GLCCI1: variants seen among roughly 807,000 people sequenced by gnomAD.
GLCCI1 encodes the protein glucocorticoid induced 1.
GLCCI1 carries 24 observed loss-of-function variants against 52.2 expected under a neutral mutation model. That is an observed-to-expected ratio of 0.46 (90% CI 0.33 to 0.65). The LOEUF is 0.65. Ranked by LOEUF, GLCCI1 falls within the 30% of genes least tolerant of loss-of-function variation. The pLI is 0.02. For missense variants in GLCCI1, 704 were observed against 701.5 expected, an observed-to-expected ratio of 1.00 and a Z score of -0.04; for synonymous variants, 310 against 276.5, an observed-to-expected ratio of 1.12 and a Z score of -1.20.
At chr7:8,038,732 C>A (rs1781927995) in intron 3 of GLCCI1, among the ~76,000 whole-genome samples, 1 of 151,956 alleles carries the variant, frequency 6.6e-6, no homozygotes, top group Admixed American at 6.5e-5. Flanking sequence ...TGAGTAAGAT[C>A]TCAAAAGCAA....
intron 5 of GLCCI1, among the ~76,000 whole-genome samples, chr7:8,066,162 C>G (rs1335596572): frequency 2.0e-5 from 3 of 151,942 alleles, no homozygotes; most frequent in Admixed American, 6.6e-5. Flanking sequence ...CTGTTTTTTT[C>G]TGTATTTTCT....
intron 3 of GLCCI1, among the ~76,000 whole-genome samples, chr7:8,048,793 C>T (rs865825992): frequency 3.9e-5 from 6 of 152,250 alleles, no homozygotes; most frequent in South Asian, 2.1e-4. Context: ...TGTCAATTCT[C>T]CTGGACCCCA....
chr7:8,008,106 C>G (rs1436425214), intron 2 of GLCCI1, among the ~76,000 whole-genome samples: 2 of 123,316 alleles, frequency 1.6e-5, no homozygotes, highest in Non-Finnish European at 3.7e-5. Flanking sequence ...AAAATCTACT[C>G]TCTTAGCAAT....
rs60377934 is a variant in GLCCI1 at position 8,053,005 on chromosome 7, ATTATTTATTTAT to A, written c.697-2403_697-2392del. Among the ~76,000 whole-genome samples, 417 of 147,230 alleles carry A rather than the reference ATTATTTATTTAT, an allele frequency of 2.8e-3. 1 individual carries two copies. The highest frequency in any genetic ancestry group is 9.1e-3 in the African/African-American group (368 of 40,242). ...TTGAGGATAAGGGTTTTGGTTTTGT[ATTATTTATTTAT>A]TTATTTATTTATTTATTTATTTATG... On this transcript the variant is annotated intron_variant, in intron 3 of 7. Transcript: ENST00000223145.
intron 3 of GLCCI1, among the ~76,000 whole-genome samples, chr7:8,036,840 C>T (rs1324369694): frequency 1.3e-5 from 2 of 151,902 alleles, no homozygotes; most frequent in Admixed American, 6.6e-5. Flanking sequence ...CAAGTTAATC[C>T]AGCTAGAAAA....
At chr7:8,030,092 T>C (rs1781712446) in intron 3 of GLCCI1, among the ~76,000 whole-genome samples, 2 of 152,122 alleles carry the variant, frequency 1.3e-5, no homozygotes, top group Non-Finnish European at 2.9e-5. Flanking sequence ...GCCAAAGCTG[T>C]CCTAAGCGAA....
At chr7:7,984,071 GT>G (rs989452520) in intron 1 of GLCCI1, among the ~76,000 whole-genome samples, 1 of 151,680 alleles carries the variant, frequency 6.6e-6, no homozygotes, top group African/African-American at 2.4e-5. Context: ...ATTTTTGTTT[GT>G]TTTTTTTGAG....
intron 1 of GLCCI1, among the ~76,000 whole-genome samples, chr7:7,978,638 C>A (rs1318378198): frequency 2.6e-5 from 4 of 152,022 alleles, no homozygotes; most frequent in African/African-American, 7.2e-5. Context: ...GTTAGGAGAG[C>A]AAAAGTATTA....
At chr7:8,019,155 G>A (rs1781432713) in intron 2 of GLCCI1, among the ~76,000 whole-genome samples, 1 of 152,160 alleles carries the variant, frequency 6.6e-6, no homozygotes, top group African/African-American at 2.4e-5. Context: ...TCAGTGATCA[G>A]TGTATAGAAC....
intron 2 of GLCCI1, among the ~76,000 whole-genome samples, chr7:8,016,417 C>T (rs1470006469): frequency 2.6e-5 from 4 of 152,014 alleles, no homozygotes; most frequent in East Asian, 3.9e-4. Context: ...TGCAGCGAGC[C>T]GAGATCGCAC....
rs182587447 is a variant in GLCCI1, at chr7:7,989,774, T to C, written c.458-14134T>C. The stretch of plus-strand genomic sequence containing the variant: ...TCTTGCCTTTTAGGAACATACCTCC[T>C]GGTAGATAAGTCTTGCATTAATCAT... On this transcript the variant is annotated intron_variant, in intron 1 of 7. Transcript: ENST00000223145. Among the ~76,000 whole-genome samples the C allele has an allele frequency of 2.7e-3, 410 of 152,274 alleles. 2 individuals are homozygous for C. Among genetic ancestry groups the C allele is most frequent in the Admixed American group, 7.3e-3 (111 of 15,292 alleles).
At chr7:8,053,335 G>GT (rs369225877) in intron 3 of GLCCI1, among the ~76,000 whole-genome samples, 2 of 134,038 alleles carry the variant, frequency 1.5e-5, no homozygotes, top group African/African-American at 2.8e-5. Flanking sequence ...TTGTTTGTTT[G>GT]TTTGTTTTGA....
At chr7:8,070,868 G>A in intron 5 of GLCCI1, 53 bp from the exon 6 acceptor site, 1 of 1,461,358 alleles carries the variant, frequency 6.8e-7, no homozygotes, top group South Asian at 1.2e-5. Flanking sequence ...TGCTTTCTAT[G>A]TAGATGAATA....
chr7:8,009,133 G>T (rs541673682), intron 2 of GLCCI1, among the ~76,000 whole-genome samples: 28 of 152,256 alleles, frequency 1.8e-4, no homozygotes, highest in African/African-American at 6.7e-4. Flanking sequence ...AGAGTCATCT[G>T]TTTAGCCTTG....
In GLCCI1 at chr7:8,086,768, G is replaced by C. The variant is rs1362430390; in HGVS notation, c.*230G>C. The C allele has an allele frequency of 1.9e-6, 1 of 519,102 alleles. No homozygotes were observed. The highest frequency in any genetic ancestry group is 3.4e-6 in the Non-Finnish European group (1 of 294,700). The allele number at this position is 519,102 out of a possible 1,614,324, so 32.2% of individuals were successfully genotyped here. A position where few individuals can be genotyped will look rare whatever the true frequency, so the allele number is the denominator to read the frequency against. Reference sequence around the variant, plus strand: ...TGTGTCATTCAGCATTTTAAGTGGAGACTATGCATTTCATAGTATATTTGA... The same window carrying C: ...TGTGTCATTCAGCATTTTAAGTGGACACTATGCATTTCATAGTATATTTGA... On this transcript the variant is annotated 3_prime_UTR_variant, in exon 8 of 8. Coordinates refer to ENST00000223145, the MANE Select transcript of GLCCI1 (RefSeq NM_138426.4). This position sits in a 1 kb window ranked among gnomAD's most constrained non-coding sequence, Gnocchi z 4.4.
At chr7:7,984,047 G>A (rs1307877919) in intron 1 of GLCCI1, among the ~76,000 whole-genome samples, 1 of 152,076 alleles carries the variant, frequency 6.6e-6, no homozygotes, top group Non-Finnish European at 1.5e-5. Flanking sequence ...AGGCTCCATG[G>A]ACTCAGCTTC....
At chr7:8,044,545 A>AT (rs1027789443) in intron 3 of GLCCI1, among the ~76,000 whole-genome samples, 1 of 151,822 alleles carries the variant, frequency 6.6e-6, no homozygotes, top group African/African-American at 2.4e-5. Flanking sequence ...TAATTTTTGT[A>AT]TTTTTTGTAG....
Position 7,969,535 on chromosome 7 carries a change from A to G in GLCCI1, c.185A>G (p.Gln62Arg). The change falls in exon 1 of 8, where the codon CAG becomes CGG. Residue 62 changes from glutamine (Q) to arginine (R), a missense_variant. By Grantham distance (43) the Gln-to-Arg change is conservative (BLOSUM62 1). Around this residue, in one of 3 missense-constraint regions of GLCCI1, gnomAD observed 547 missense variants for 524.8 expected, o/e 1.04. Transcript: ENST00000223145. This position sits in a 1 kb window ranked among gnomAD's most constrained non-coding sequence, Gnocchi z 4.9. ...APAAGAGRLL[Q>R]PIRATVPYQL... ...GCTGCGGGAGCCGGCCGGCTGCTGC[A>G]GCCCATCCGCGCCACGGTGCCCTAC... The G allele has an allele frequency of 2.0e-6, 2 of 984,276 alleles. No individual in the cohort carries two copies. The highest frequency in any genetic ancestry group is 4.6e-5 in the South Asian group (1 of 21,946). The allele number at this position is 984,276 out of a possible 1,614,324, so 61.0% of individuals were successfully genotyped here. A position where few individuals can be genotyped will look rare whatever the true frequency, so the allele number is the denominator to read the frequency against.
At chr7:7,973,413 C>CGTGTGCGTGT (rs1554257316) in intron 1 of GLCCI1, among the ~76,000 whole-genome samples, 1 of 147,590 alleles carries the variant, frequency 6.8e-6, no homozygotes, top group Non-Finnish European at 1.5e-5. Context: ...TCTTTGTGTG[C>CGTGTGCGTGT]GTGTGTGTGT....
Sources: gnomAD v4.1 joint callset for allele counts (sites outside exome capture counted in the v4.1 genomes callset) on GRCh38, gnomAD v4.1.1 for gene constraint, gnomAD v4.1.1 regional missense constraint, Gnocchi (gnomAD v3.1) non-coding constraint, MANE v1.5 for transcripts, NCBI Gene and HGNC (gene_info 2026-07-23, HGNC 2026-07-21) for gene names.